The following CTNNA3 variants were observed in gnomAD, a reference collection of about 807,000 sequenced individuals.
CTNNA3 encodes the protein catenin alpha 3, also known as catenin alpha-3.
Under a neutral mutation model 95.7 loss-of-function variants are expected in CTNNA3, and 76 were observed. The ratio of observed to expected loss-of-function variants is 0.79; its 90% CI spans 0.66 to 0.96. The LOEUF is 0.96. Among genes scored for constraint, CTNNA3 ranks in the 40% least tolerant of loss-of-function variants. The probability of loss-of-function intolerance (pLI) is 0.00; values close to 1 mark genes in which losing one functional copy is unlikely to be tolerated. For synonymous variants in CTNNA3, 431 were observed against 374.4 expected (o/e 1.15, Z -1.74); for missense variants, 1,191 against 1,089.8 (o/e 1.09, Z -1.31).
chr10:67,318,064 A>C (rs1158903580), intron 5 of CTNNA3, among the ~76,000 whole-genome samples: 1 of 152,012 alleles, frequency 6.6e-6, no homozygotes, highest in Non-Finnish European at 1.5e-5. Context: ...AAAGACATTT[A>C]ATTGAATTAT....
At chr10:66,191,585 C>T (rs1564747362) in intron 13 of CTNNA3, among the ~76,000 whole-genome samples, 1 of 147,866 alleles carries the variant, frequency 6.8e-6, no homozygotes, top group Non-Finnish European at 1.5e-5. Context: ...GCACTGCCCA[C>T]ATTTGTATTT....
chr10:67,498,431 C>G (rs1021016495), intron 5 of CTNNA3, among the ~76,000 whole-genome samples: 4 of 152,028 alleles, frequency 2.6e-5, no homozygotes, highest in African/African-American at 9.7e-5. Context: ...TTTTTTGGTT[C>G]TGTATGAAAT....
intron 9 of CTNNA3, among the ~76,000 whole-genome samples, chr10:66,744,956 A>C (rs1849453316): frequency 6.6e-6 from 1 of 152,194 alleles, no homozygotes; most frequent in Non-Finnish European, 1.5e-5. Flanking sequence ...CTTGATTTCA[A>C]GGTGCTAAAT....
chr10:66,335,769 A>T (rs1429982472), intron 12 of CTNNA3, among the ~76,000 whole-genome samples: 1 of 152,074 alleles, frequency 6.6e-6, no homozygotes. Context: ...TCAGACAGGG[A>T]CATTTAAGTC....
At chr10:67,123,393 T>C (rs1225704950) in intron 7 of CTNNA3, among the ~76,000 whole-genome samples, 2 of 152,188 alleles carry the variant, frequency 1.3e-5, no homozygotes, top group Non-Finnish European at 2.9e-5. Context: ...TCTATGTGCA[T>C]AGCTACAAAA....
chr10:66,612,199 C>T (rs913637481), intron 10 of CTNNA3, among the ~76,000 whole-genome samples: 3 of 151,930 alleles, frequency 2.0e-5, no homozygotes, highest in African/African-American at 7.2e-5. Flanking sequence ...GCAATTTGTC[C>T]CATCTTAAAA....
intron 11 of CTNNA3, among the ~76,000 whole-genome samples, chr10:66,451,432 A>G (rs887679844): frequency 6.6e-6 from 1 of 152,066 alleles, no homozygotes; most frequent in African/African-American, 2.4e-5. Context: ...AATAAGAGAG[A>G]CCTGTTTTAG....
At chr10:67,292,303 A>T (rs1839869252) in intron 5 of CTNNA3, among the ~76,000 whole-genome samples, 1 of 152,148 alleles carries the variant, frequency 6.6e-6, no homozygotes, top group African/African-American at 2.4e-5. Context: ...AGGGATTCTC[A>T]TTTCTATGGC....
At chr10:67,163,338 T>C (rs984072486) in intron 7 of CTNNA3, among the ~76,000 whole-genome samples, 1 of 152,014 alleles carries the variant, frequency 6.6e-6, no homozygotes, top group Admixed American at 6.6e-5. Flanking sequence ...TAATCTACCA[T>C]ATTAACAAAC....
intron 7 of CTNNA3, among the ~76,000 whole-genome samples, chr10:66,822,365 G>A (rs1020375800): frequency 6.6e-6 from 1 of 152,072 alleles, no homozygotes; most frequent in African/African-American, 2.4e-5. Flanking sequence ...CAGTGTCCCA[G>A]GGAGCCGCTA....
chr10:66,324,336 A>C (rs552367070), intron 12 of CTNNA3, among the ~76,000 whole-genome samples: 1 of 152,180 alleles, frequency 6.6e-6, no homozygotes, highest in East Asian at 1.9e-4. Context: ...CAAACAAACA[A>C]ACAAAAAAAC....
At chr10:65,950,063 T>C (rs1451264696) in intron 17 of CTNNA3, among the ~76,000 whole-genome samples, 2 of 152,128 alleles carry the variant, frequency 1.3e-5, no homozygotes, top group African/African-American at 4.8e-5. Context: ...CAATGTTTAA[T>C]AATTATTACT....
intron 11 of CTNNA3, among the ~76,000 whole-genome samples, chr10:66,435,287 T>C (rs1176405029): frequency 3.9e-5 from 6 of 152,148 alleles, no homozygotes; most frequent in Non-Finnish European, 4.4e-5. Flanking sequence ...GGGCTTTTTT[T>C]TGGTTGGTAA....
chr10:67,390,202 A>T (rs897510704), intron 5 of CTNNA3, among the ~76,000 whole-genome samples: 4 of 152,258 alleles, frequency 2.6e-5, no homozygotes, highest in African/African-American at 9.6e-5. Flanking sequence ...AATAGATGCA[A>T]TAAAAAATGA....
intron 12 of CTNNA3, among the ~76,000 whole-genome samples, chr10:66,360,599 CTTTCTT>C (rs1564895727): frequency 8.4e-5 from 4 of 47,560 alleles, no homozygotes; most frequent in Non-Finnish European, 1.3e-4. Flanking sequence ...TTCTTTCCTT[CTTTCTT>C]TCTTTCTTTC....
At chr10:67,235,478 T>A (rs966921487) in intron 5 of CTNNA3, among the ~76,000 whole-genome samples, 2 of 151,884 alleles carry the variant, frequency 1.3e-5, no homozygotes, top group African/African-American at 4.8e-5. Flanking sequence ...AAGCTGAAAC[T>A]GGATCCCTTC....
At chr10:67,024,502 G>T (rs374279696) in intron 7 of CTNNA3, among the ~76,000 whole-genome samples, 1 of 152,124 alleles carries the variant, frequency 6.6e-6, no homozygotes, top group Non-Finnish European at 1.5e-5. Flanking sequence ...AACATCTTTG[G>T]TGGGTGGAGG....
chr10:67,758,206 G>A (rs1040383690), intron 1 of CTNNA3, among the ~76,000 whole-genome samples: 5 of 151,710 alleles, frequency 3.3e-5, no homozygotes, highest in African/African-American at 9.7e-5. Flanking sequence ...TCCAGCTTGC[G>A]GATGGCAGAT....
intron 7 of CTNNA3, among the ~76,000 whole-genome samples, chr10:66,980,675 C>T (rs143104474): frequency 6.6e-6 from 1 of 152,304 alleles, no homozygotes; most frequent in African/African-American, 2.4e-5. Context: ...TTTGTCACTT[C>T]AGTTTTCAGT....
Sources: allele counts gnomAD v4.1 joint callset (sites outside exome capture counted in the v4.1 genomes callset), GRCh38; gene constraint gnomAD v4.1.1; transcripts MANE v1.5; gene names NCBI Gene and HGNC (gene_info 2026-07-23, HGNC 2026-07-21).